Variants in EIF4E3 observed in about 807,000 individuals in gnomAD.
The protein encoded by EIF4E3 is eukaryotic translation initiation factor 4E family member 3, also known as eukaryotic translation initiation factor 4E type 3.
A neutral mutation model predicts 31.7 loss-of-function variants in EIF4E3; 26 were observed. The observed-to-expected ratio is 0.82, with a 90% CI of 0.60 to 1.14. The LOEUF (loss-of-function observed/expected upper bound fraction) is 1.14. EIF4E3 is among the 50% of genes most tolerant of loss of function. The probability of loss-of-function intolerance (pLI) is 0.00; values close to 1 mark genes in which losing one functional copy is unlikely to be tolerated. For synonymous variants in EIF4E3, 128 were observed against 107.7 expected (o/e 1.19, Z -1.17); for missense variants, 304 against 270.9 (o/e 1.12, Z -0.86).
intron 1 of EIF4E3, among the ~76,000 whole-genome samples, chr3:71,718,361 A>G (rs1460287012): frequency 6.6e-6 from 1 of 152,254 alleles, no homozygotes; most frequent in East Asian, 1.9e-4. Context: ...ATCTACTGAA[A>G]ATATATACAT....
intron 6 of EIF4E3, among the ~76,000 whole-genome samples, chr3:71,686,290 T>A (rs1480590064): frequency 1.3e-5 from 2 of 152,128 alleles, no homozygotes; most frequent in African/African-American, 2.4e-5. Context: ...GTACCTGGCC[T>A]CTGTGTTTTT....
chr3:71,706,377 C>T (rs1206309453), intron 2 of EIF4E3, among the ~76,000 whole-genome samples: 1 of 152,086 alleles, frequency 6.6e-6, no homozygotes, highest in Non-Finnish European at 1.5e-5. Context: ...TGCTAAAGGG[C>T]CTCAAAGTAT....
At chr3:71,711,498 T>C (rs1463115797) in intron 1 of EIF4E3, among the ~76,000 whole-genome samples, 1 of 152,178 alleles carries the variant, frequency 6.6e-6, no homozygotes, top group Non-Finnish European at 1.5e-5. Context: ...CCCCAAGGAC[T>C]CTCAGTATGT....
upstream of EIF4E3, among the ~76,000 whole-genome samples, chr3:71,726,308 C>T (rs1441924838): frequency 2.0e-5 from 3 of 152,202 alleles, no homozygotes; most frequent in African/African-American, 4.8e-5. Context: ...GAACACAGAG[C>T]GCTCTGCTTC....
chr3:71,705,297 C>T (rs1186871761), intron 2 of EIF4E3, among the ~76,000 whole-genome samples: 4 of 152,204 alleles, frequency 2.6e-5, no homozygotes, highest in Non-Finnish European at 5.9e-5. Flanking sequence ...GTTTGGAAAG[C>T]AATCTGCTGC....
intron 1 of EIF4E3, among the ~76,000 whole-genome samples, chr3:71,735,267 C>T (rs1312811797): frequency 2.0e-5 from 3 of 151,974 alleles, no homozygotes; most frequent in Admixed American, 6.6e-5. Flanking sequence ...GGCACAGAGC[C>T]TCATTCTCAT....
At chr3:71,744,029 T>C (rs1202802344) in intron 1 of EIF4E3, among the ~76,000 whole-genome samples, 1 of 152,126 alleles carries the variant, frequency 6.6e-6, no homozygotes, top group Non-Finnish European at 1.5e-5. Flanking sequence ...TTCACAACCA[T>C]GGTTTAGGCA....
At chr3:71,668,701 T>C in the EIF4E3 span, among the ~76,000 whole-genome samples, 6 of 152,224 alleles carry the variant, frequency 3.9e-5, no homozygotes, top group African/African-American at 1.4e-4. Context: ...TGAGACACCA[T>C]CTCACGCCAG....
intron 5 of EIF4E3, among the ~76,000 whole-genome samples, chr3:71,693,095 A>G (rs2108028443): frequency 6.6e-6 from 1 of 152,336 alleles, no homozygotes; most frequent in Non-Finnish European, 1.5e-5. Flanking sequence ...CTTAACTGAA[A>G]GCTGGGGAAG....
chr3:71,706,493 G>A (rs775802541), intron 2 of EIF4E3, among the ~76,000 whole-genome samples: 2 of 151,926 alleles, frequency 1.3e-5, no homozygotes, highest in Non-Finnish European at 2.9e-5. Flanking sequence ...TGGAGAAGCA[G>A]TTTTTTTTAG....
chr3:71,742,521 C>T (rs371617298), intron 1 of EIF4E3, among the ~76,000 whole-genome samples: 2 of 152,138 alleles, frequency 1.3e-5, no homozygotes, highest in African/African-American at 4.8e-5. Flanking sequence ...AAACTCCATG[C>T]TCAAATACTT....
chr3:71,716,515 G>A (rs190588657), intron 1 of EIF4E3, among the ~76,000 whole-genome samples: 1 of 152,334 alleles, frequency 6.6e-6, no homozygotes, highest in Non-Finnish European at 1.5e-5. Context: ...TTACAGGCAT[G>A]AGCCACCGTG....
chr3:71,696,598 T>A (rs546519899), intron 3 of EIF4E3, 78 bp from the exon 4 acceptor site: 1 of 1,525,528 alleles, frequency 6.6e-7, no homozygotes, highest in South Asian at 1.2e-5. Context: ...TATCTCTTCA[T>A]ACATTTAGTT....
intron 1 of EIF4E3, among the ~76,000 whole-genome samples, chr3:71,734,918 G>T (rs2049745704): frequency 6.6e-6 from 1 of 152,138 alleles, no homozygotes; most frequent in South Asian, 2.1e-4. Flanking sequence ...CTCTAAAATG[G>T]TTTTTTGGTT....
chr3:71,743,586 T>G (rs1437097756), intron 1 of EIF4E3, among the ~76,000 whole-genome samples: 1 of 152,288 alleles, frequency 6.6e-6, no homozygotes, highest in South Asian at 2.1e-4. Flanking sequence ...AATATCCCAG[T>G]AGGCTTTATC....
intron 6 of EIF4E3, among the ~76,000 whole-genome samples, chr3:71,685,167 A>T (rs1443649046): frequency 6.6e-6 from 1 of 152,010 alleles, no homozygotes; most frequent in African/African-American, 2.4e-5. Context: ...AAAACAAAAC[A>T]AAGAACCACA....
At chr3:71,754,047 G>C, upstream of EIF4E3, 1 of 1,246,718 alleles carries the variant, frequency 8.0e-7, no homozygotes, top group Non-Finnish European at 1.0e-6. The surrounding 1 kb of genome is among the most constrained non-coding windows in gnomAD (Gnocchi z 5.8). Flanking sequence ...TGGTGAGGCC[G>C]CGATGGCGAA....
downstream of EIF4E3, among the ~76,000 whole-genome samples, chr3:71,670,868 C>T (rs1049104198): frequency 1.3e-5 from 2 of 152,184 alleles, no homozygotes; most frequent in Non-Finnish European, 2.9e-5. Flanking sequence ...GATGAAGAAA[C>T]TGAGACTCAG....
upstream of EIF4E3, chr3:71,754,755 G>A (rs2049984353): frequency 1.5e-6 from 2 of 1,350,610 alleles, no homozygotes; most frequent in Non-Finnish European, 1.9e-6. This position sits in a 1 kb window ranked among gnomAD's most constrained non-coding sequence, Gnocchi z 5.8. Context: ...GGGCGCCACC[G>A]GCCAGGCGGC....
Sources: gnomAD v4.1 joint callset for allele counts (sites outside exome capture counted in the v4.1 genomes callset) on GRCh38, gnomAD v4.1.1 for gene constraint, Gnocchi (gnomAD v3.1) non-coding constraint, MANE v1.5 for transcripts, NCBI Gene and HGNC (gene_info 2026-07-23, HGNC 2026-07-21) for gene names.